Variants in THUMPD3 observed in about 807,000 individuals in gnomAD.
THUMPD3 encodes the protein tRNA (guanine(6)-N(2))-methyltransferase THUMP3.
In THUMPD3, 44 loss-of-function variants were observed where a neutral mutation model predicts 54.5. The observed-to-expected ratio is 0.81, with a 90% confidence interval of 0.63 to 1.04. THUMPD3 has a LOEUF of 1.04. THUMPD3 is among the 50% of genes least tolerant of loss of function. The pLI is 0.00. For missense variants in THUMPD3, 604 were observed against 601.3 expected, an observed-to-expected ratio of 1.00 and a Z score of -0.05; for synonymous variants, 196 against 201.4, an observed-to-expected ratio of 0.97 and a Z score of 0.23.
In THUMPD3 at chr3:9,386,358, C is replaced by G. The variant is rs879558551; in HGVS notation, c.*1670C>G. The G allele has an allele frequency of 6.6e-6, 1 of 151,792 alleles. No homozygotes were observed. Among genetic ancestry groups the G allele is most frequent in the Non-Finnish European group, 1.5e-5 (1 of 67,848 alleles). The allele number at this position is 151,792 out of a possible 1,614,324, so 9.4% of individuals were successfully genotyped here. ...AGTTCAAGGACCATGTCTGTTTTCA[C>G]CACGATGTCTTTCCCCACCCCCCCA... is the stretch of plus-strand genomic sequence containing the variant. On this transcript the variant is annotated 3_prime_UTR_variant, in exon 10 of 10. Coordinates refer to ENST00000452837, the MANE Select transcript of THUMPD3 (RefSeq NM_001114092.2).
intron 3 of THUMPD3, among the ~76,000 whole-genome samples, chr3:9,367,441 A>C (rs1286638902): frequency 6.6e-6 from 1 of 152,224 alleles, no homozygotes; most frequent in Non-Finnish European, 1.5e-5. Context: ...TTGTTAGGAC[A>C]ACAGCTTTGT....
intron 3 of THUMPD3, among the ~76,000 whole-genome samples, chr3:9,369,810 AC>A (rs1215797300): frequency 6.6e-6 from 1 of 152,216 alleles, no homozygotes; most frequent in Non-Finnish European, 1.5e-5. Flanking sequence ...ATTGATAATG[AC>A]AACTGTTTAG....
chr3:9,364,535 C>G (rs561275105), intron 1 of THUMPD3, among the ~76,000 whole-genome samples: 4 of 151,914 alleles, frequency 2.6e-5, no homozygotes, highest in South Asian at 2.1e-4. Context: ...TTAGTAGAGA[C>G]GGGGTTTCAC....
Position 9,384,717 on chromosome 3 carries a change from C to T in THUMPD3, c.*29C>T. ...TGACTAATAGTACTTGTACTTCCCA[C>T]CACTGGAAATGTTAGCATAAAAGAA... On this transcript the variant is annotated 3_prime_UTR_variant, in exon 10 of 10. Transcript: ENST00000452837. 1.2e-6 allele frequency: 2 copies of T among 1,611,208 alleles called. No individual in the cohort carries two copies. The highest frequency in any genetic ancestry group is 2.2e-5 in the South Asian group (2 of 90,914).
In THUMPD3 at chr3:9,384,877, G is replaced by A. The variant is rs2033225796; in HGVS notation, c.*189G>A. The A allele has an allele frequency of 1.6e-6, 1 of 628,168 alleles. No individual in the cohort carries two copies. Among genetic ancestry groups the A allele is most frequent in the South Asian group, 2.1e-5 (1 of 48,154 alleles). The allele number at this position is 628,168 out of a possible 1,614,324, so 38.9% of individuals were successfully genotyped here. ...AAAGTTTTATGAGACCAGGCACAGT[G>A]GCTCACGACTGTAATTCCAGCAGTT... On this transcript the variant is annotated 3_prime_UTR_variant, in exon 10 of 10. Transcript: ENST00000452837.
chr3:9,366,194 C>A (rs1003126642), intron 2 of THUMPD3, among the ~76,000 whole-genome samples: 3 of 152,116 alleles, frequency 2.0e-5, no homozygotes, highest in Non-Finnish European at 2.9e-5. Context: ...ATCAAAAATT[C>A]TTGCTCAGAA....
chr3:9,384,059 A>G (rs2600193), intron 8 of THUMPD3, among the ~76,000 whole-genome samples, 153 bp from the exon 9 acceptor site: 132,569 of 152,282 alleles, frequency 0.87, 58,638 homozygotes, highest in Non-Finnish European at 0.94. Flanking sequence ...TACTAACTCA[A>G]CTTATTTCAT....
chr3:9,384,378 T>C (rs772714322), intron 9 of THUMPD3, 43 bp downstream of exon 9: 4 of 1,598,016 alleles, frequency 2.5e-6, no homozygotes, highest in East Asian at 2.2e-5. Context: ...GTGGCAACTT[T>C]GGGATCTTTT....
At position 9,384,340 on chromosome 3, in the gene THUMPD3, T is replaced by C. The variant is rs751316091; in HGVS notation, c.1359+5T>C. The C allele has an allele frequency of 1.2e-6, 2 of 1,607,566 alleles. No homozygotes were observed. Among genetic ancestry groups the C allele is most frequent in the Non-Finnish European group, 8.5e-7 (1 of 1,177,766 alleles). On this transcript the variant is annotated splice_donor_5th_base_variant and intron_variant, in intron 9 of 9. Transcript: ENST00000452837. ...GACACAAAATGCTTTACCAAGGTGC[T>C]ATACACATTAGCTCAAAATCGCAGC...
intron 7 of THUMPD3, among the ~76,000 whole-genome samples, chr3:9,381,833 G>A (rs2032935316): frequency 8.8e-6 from 1 of 113,760 alleles, no homozygotes; most frequent in Non-Finnish European, 1.6e-5. Context: ...AGGCTGGAGT[G>A]CAGTGGCTTG....
chr3:9,375,574 AG>A (rs1426022086), intron 5 of THUMPD3, among the ~76,000 whole-genome samples: 1 of 152,262 alleles, frequency 6.6e-6, no homozygotes, highest in Non-Finnish European at 1.5e-5. Context: ...TAAATGCTGA[AG>A]CATATGCAAA....
At chr3:9,364,528 G>A (rs2031318199) in intron 1 of THUMPD3, among the ~76,000 whole-genome samples, 1 of 151,972 alleles carries the variant, frequency 6.6e-6, no homozygotes. Flanking sequence ...TGTATTTTTA[G>A]TAGAGACGGG....
intron 7 of THUMPD3, 186 bp from the exon 8 acceptor site, chr3:9,383,013 T>A (rs2033039855): frequency 2.1e-6 from 1 of 476,138 alleles, no homozygotes; most frequent in Non-Finnish European, 3.8e-6. Flanking sequence ...AGGCACAAGC[T>A]ACCATGCCCA....
chr3:9,381,563 A>C (rs1273399439), intron 7 of THUMPD3, among the ~76,000 whole-genome samples: 1 of 151,682 alleles, frequency 6.6e-6, no homozygotes, highest in Non-Finnish European at 1.5e-5. Flanking sequence ...CAATTTTCTT[A>C]AATACTGATT....
rs372720327 is a variant in THUMPD3 at position 9,386,361 on chromosome 3, C to G, written c.*1673C>G. The G allele has an allele frequency of 6.6e-6, 1 of 151,218 alleles. No homozygotes were observed. Among genetic ancestry groups the G allele is most frequent in the African/African-American group, 2.4e-5 (1 of 41,202 alleles). 9.4% of individuals were successfully genotyped at this position (151,218 alleles called of 1,614,324 possible). On this transcript the variant is annotated 3_prime_UTR_variant, in exon 10 of 10. Transcript: ENST00000452837. ...TCAAGGACCATGTCTGTTTTCACCA[C>G]GATGTCTTTCCCCACCCCCCCACCC...
intron 5 of THUMPD3, among the ~76,000 whole-genome samples, chr3:9,376,895 A>G (rs116682986): frequency 0.01 from 1,573 of 152,316 alleles, 11 homozygotes; most frequent in South Asian, 0.03. Context: ...GAGAATAATG[A>G]TAATTATCTA....
intron 5 of THUMPD3, 136 bp downstream of exon 5, chr3:9,374,782 AATG>A: frequency 9.8e-7 from 1 of 1,022,750 alleles, no homozygotes; most frequent in Middle Eastern, 2.1e-4. Context: ...ATGGAAAGCT[AATG>A]ATCTATTTCT....
At position 9,365,013 on chromosome 3, in the gene THUMPD3, A is replaced by T; in HGVS notation, c.-53-3A>T. On this transcript the variant is annotated splice_polypyrimidine_tract_variant and splice_region_variant and intron_variant, in intron 1 of 9. Transcript: ENST00000452837. ...TTGGGCTTTATTTCTTTTTCTTTTAAAGGACAGTACTGCTTTTAAAGAGAC... is the reference window on the plus strand; with the variant it reads ...TTGGGCTTTATTTCTTTTTCTTTTATAGGACAGTACTGCTTTTAAAGAGAC... The T allele has an allele frequency of 6.5e-7, 1 of 1,547,170 alleles. No individual in the cohort carries two copies. Among genetic ancestry groups the T allele is most frequent in the South Asian group, 1.2e-5 (1 of 81,066 alleles).
intron 4 of THUMPD3, among the ~76,000 whole-genome samples, chr3:9,372,438 G>A (rs2032126612): frequency 1.3e-5 from 2 of 151,974 alleles, no homozygotes; most frequent in African/African-American, 2.4e-5. Flanking sequence ...AAATTGGCCC[G>A]TCATGATGGC....
Sources: allele counts gnomAD v4.1 joint callset (sites outside exome capture counted in the v4.1 genomes callset), GRCh38; gene constraint gnomAD v4.1.1; transcripts MANE v1.5; gene names NCBI Gene and HGNC (gene_info 2026-07-23, HGNC 2026-07-21).